Variants in PDILT observed in about 807,000 individuals in gnomAD.
PDILT encodes the protein protein disulfide-isomerase-like protein of the testis.
In PDILT, 43 loss-of-function variants were observed where a neutral mutation model predicts 53.7. The observed-to-expected ratio is 0.80, with a 90% CI of 0.63 to 1.03. The LOEUF (loss-of-function observed/expected upper bound fraction) is 1.03. PDILT is among the 50% of genes least tolerant of loss of function. The probability of loss-of-function intolerance (pLI) is 0.00; values close to 1 mark genes in which losing one functional copy is unlikely to be tolerated. For synonymous variants in PDILT, 282 were observed against 274.2 expected, an observed-to-expected ratio of 1.03 and a Z score of -0.28; for missense variants, 727 against 712.3, an observed-to-expected ratio of 1.02 and a Z score of -0.24.
At chr16:20,362,331 G>T (rs1169409075) in intron 10 of PDILT, 73 bp downstream of exon 10, 6 of 1,508,870 alleles carry the variant, frequency 4.0e-6, no homozygotes, top group South Asian at 1.3e-5. Context: ...CGCAGCTGGT[G>T]GTAGGGAGAA....
In PDILT at chr16:20,372,862, G is replaced by A. The variant is rs745761760; in HGVS notation, c.858C>T (p.Ser286=). The part of the protein sequence containing the change: ...SHMLLFVSKS[S]ESYGIIIQHY... ...GCTGAATTATGATACCATATGACTC[G>A]GAGCTTTTGGAGACAAACAGCAGCA... The change falls in exon 7 of 12, where the codon TCC becomes TCT. Residue 286 remains serine, a synonymous_variant. Transcript: ENST00000302451. The A allele has an allele frequency of 2.2e-5, 35 of 1,613,848 alleles. No homozygotes were observed. Among genetic ancestry groups the A allele is most frequent in the Middle Eastern group, 1.6e-4 (1 of 6,084 alleles).
At chr16:20,397,831 C>A (rs1966681832) in intron 2 of PDILT, among the ~76,000 whole-genome samples, 1 of 152,222 alleles carries the variant, frequency 6.6e-6, no homozygotes, top group Non-Finnish European at 1.5e-5. Flanking sequence ...CCTCTGGGAA[C>A]CTGGTGCTGG....
intron 11 of PDILT, 101 bp from the exon 12 acceptor site, chr16:20,359,668 G>T: frequency 8.3e-7 from 1 of 1,201,412 alleles, no homozygotes; most frequent in East Asian, 2.4e-5. Context: ...TAATAGTCAA[G>T]CCTACTTTTT....
chr16:20,400,458 C>T (rs1966724775), intron 1 of PDILT, among the ~76,000 whole-genome samples: 2 of 149,054 alleles, frequency 1.3e-5, no homozygotes, highest in African/African-American at 5.0e-5. Flanking sequence ...CTTTTTAACC[C>T]TGGATACACA....
At chr16:20,392,523 T>C (rs1237917726) in intron 2 of PDILT, among the ~76,000 whole-genome samples, 1 of 152,120 alleles carries the variant, frequency 6.6e-6, no homozygotes, top group African/African-American at 2.4e-5. Flanking sequence ...CATTTACCCT[T>C]GAAGAAAGCT....
At chr16:20,393,290 G>A (rs1180410372) in intron 2 of PDILT, among the ~76,000 whole-genome samples, 9 of 152,342 alleles carry the variant, frequency 5.9e-5, no homozygotes, top group South Asian at 2.1e-4. Flanking sequence ...ACAGGCTCAT[G>A]TAAAGAAAAT....
rs1006804846 is a variant in PDILT, at chr16:20,399,377, C to T, written c.-7-70G>A. On this transcript the variant is annotated intron_variant, in intron 1 of 11. Transcript: ENST00000302451. ...GTGGAGCCCCACGTCATCACCCCCA[C>T]TTCCTTGTCCAGCTGGTCCATGTAG... The T allele has an allele frequency of 4.6e-6, 7 of 1,508,952 alleles. No homozygotes were observed. In the African/African-American group the frequency reaches 9.6e-5, roughly 21 times the overall value. 93.5% of individuals were successfully genotyped at this position (1,508,952 alleles called of 1,614,324 possible).
rs773778243 is a variant in PDILT at position 20,359,293 on chromosome 16, C to T, written c.*26G>A. ...ATGATGCCAGGATCTGGAAAATAAG[C>T]ATCTTTTTTCCTGGTATTGGAGAAG... On this transcript the variant is annotated 3_prime_UTR_variant, in exon 12 of 12. Transcript: ENST00000302451. The T allele has an allele frequency of 5.0e-6, 8 of 1,606,000 alleles. No individual in the cohort carries two copies. In the East Asian group the frequency reaches 1.6e-4, roughly 31 times the overall value.
intron 8 of PDILT, 149 bp downstream of exon 8, chr16:20,369,343 G>T: frequency 1.2e-6 from 1 of 852,202 alleles, no homozygotes; most frequent in Non-Finnish European, 1.9e-6. Flanking sequence ...TTTGAGGTGG[G>T]GAGATGGGGG....
intron 2 of PDILT, among the ~76,000 whole-genome samples, chr16:20,387,813 G>T (rs1966559728): frequency 6.6e-6 from 1 of 152,048 alleles, no homozygotes; most frequent in East Asian, 1.9e-4. Flanking sequence ...TAGAGATGGG[G>T]TTTTACCATG....
Position 20,366,957 on chromosome 16 carries a change from TTCCTTCC to T in PDILT, c.1117-1424_1117-1418del, listed in dbSNP as rs1567320243. Among the ~76,000 whole-genome samples, 135 of 69,732 alleles carry T rather than the reference TTCCTTCC, an allele frequency of 1.9e-3. 6 individuals carry two copies. The highest frequency in any genetic ancestry group is 4.5e-3 in the African/African-American group (130 of 28,930). 45.7% of individuals were successfully genotyped at this position (69,732 alleles called of 152,430 possible). A position where few individuals can be genotyped will look rare whatever the true frequency, so the allele number is the denominator to read the frequency against. On this transcript the variant is annotated intron_variant, in intron 8 of 11. Coordinates refer to ENST00000302451, the MANE Select transcript of PDILT (RefSeq NM_174924.2). Reference sequence around the variant, plus strand: ...ATTCTTTCCTTCCTTCCTTCCTTCCTTCCTTCCTTCCTTCCTTCCTTCCTTCCTTCCT... The same window carrying T: ...ATTCTTTCCTTCCTTCCTTCCTTCCTTTCCTTCCTTCCTTCCTTCCTTCCT...
intron 10 of PDILT, among the ~76,000 whole-genome samples, chr16:20,361,687 C>T (rs1474481595): frequency 6.6e-6 from 1 of 152,166 alleles, no homozygotes; most frequent in African/African-American, 2.4e-5. Flanking sequence ...TGGGGTCACC[C>T]TTCTGCCCAC....
chr16:20,373,019 T>C lies in PDILT; in HGVS notation c.785A>G (p.Asn262Ser), dbSNP rs1301701703. Residue 262 changes from asparagine (N) to serine (S), a missense_variant, in exon 6 of 12, where the codon AAC (asparagine) becomes AGC (serine). Coordinates refer to ENST00000302451, the MANE Select transcript of PDILT (RefSeq NM_174924.2). ...GACCATTTACTCACTGACCTCAGTGTTGTATTCGATCACAAAATCTGTAAG... is the reference window on the plus strand; with the variant it reads ...GACCATTTACTCACTGACCTCAGTGCTGTATTCGATCACAAAATCTGTAAG... Reference protein sequence around the residue: ...QHLTDFVIEYNTENKDLISEL... With the variant: ...QHLTDFVIEYSTENKDLISEL... 3 of 1,614,036 alleles carry C rather than the reference T, an allele frequency of 1.9e-6. No homozygotes were observed. Among genetic ancestry groups the C allele is most frequent in the Admixed American group, 3.3e-5 (2 of 60,020 alleles).
chr16:20,384,584 T>C, intron 3 of PDILT, 61 bp downstream of exon 3: 1 of 1,596,868 alleles, frequency 6.3e-7, no homozygotes. Flanking sequence ...ACCTTTACCC[T>C]ATAGCTGTTA....
Position 20,360,575 on chromosome 16 carries a change from T to A in PDILT, c.1499A>T (p.Glu500Val), listed in dbSNP as rs1966085608. 5 of 1,613,380 alleles carry A rather than the reference T, an allele frequency of 3.1e-6. No homozygotes were observed. The South Asian group carries it at 5.5e-5, about 18-fold the overall frequency. Reference protein sequence around the residue: ...ESHIKTKIEDEDELLSVEQNE... With the variant: ...ESHIKTKIEDVDELLSVEQNE... ...ATTTCTGTTGCCCCTTACCTCATCC[T>A]CATCCTCAATCTTAGTTTTGATGTG... Residue 500 changes from glutamate to valine, a missense_variant, in exon 11 of 12, where the codon GAG (glutamate) becomes GTG (valine). By Grantham distance (121) the Glu-to-Val change is moderately radical (BLOSUM62 -2). Transcript: ENST00000302451.
At chr16:20,383,471 G>A (rs539572214) in intron 3 of PDILT, among the ~76,000 whole-genome samples, 2 of 66,088 alleles carry the variant, frequency 3.0e-5, no homozygotes, top group East Asian at 4.1e-4. Flanking sequence ...TCTGGCGCCC[G>A]CAGCCACCAC....
chr16:20,361,154 A>C (rs1966094422), intron 10 of PDILT, among the ~76,000 whole-genome samples: 1 of 150,634 alleles, frequency 6.6e-6, no homozygotes, highest in African/African-American at 2.4e-5. Flanking sequence ...CATCTGGTAC[A>C]TGGTCAGTGC....
At position 20,367,024 on chromosome 16, in the gene PDILT, C is replaced by CTTCTTTCTTTCTTTCT. The variant is rs528059448; in HGVS notation, c.1117-1500_1117-1485dup. Reference sequence around the variant, plus strand: ...TCTTTATTTATTTCTCTCTCTCTTTCTTCTTTCTTTCTTTCTTTCTTTCTT... The same window carrying CTTCTTTCTTTCTTTCT: ...TCTTTATTTATTTCTCTCTCTCTTTCTTCTTTCTTTCTTTCTTTCTTTCTTTCTTTCTTTCTTTCTT... On this transcript the variant is annotated intron_variant, in intron 8 of 11. Transcript: ENST00000302451. Among the ~76,000 whole-genome samples the CTTCTTTCTTTCTTTCT allele has an allele frequency of 1.6e-4, 12 of 76,186 alleles. 1 individual carries two copies. The East Asian group carries it at 1.8e-3, about 12-fold the overall frequency. 50.0% of individuals were successfully genotyped at this position (76,186 alleles called of 152,430 possible). A position where few individuals can be genotyped will look rare whatever the true frequency, so the allele number is the denominator to read the frequency against.
chr16:20,403,172 C>A (rs1031893915), intron 1 of PDILT, among the ~76,000 whole-genome samples: 1 of 152,196 alleles, frequency 6.6e-6, no homozygotes, highest in African/African-American at 2.4e-5. Context: ...CATGTCCCAG[C>A]CACTGTGGTT....
Sources: allele counts gnomAD v4.1 joint callset (sites outside exome capture counted in the v4.1 genomes callset), GRCh38; gene constraint gnomAD v4.1.1; transcripts MANE v1.5; gene names NCBI Gene and HGNC (gene_info 2026-07-23, HGNC 2026-07-21).